The following LAMP5 variants were observed in gnomAD, a reference collection of about 807,000 sequenced individuals.
The protein encoded by LAMP5 is lysosome-associated membrane glycoprotein 5.
In LAMP5, 36 loss-of-function variants were observed where a neutral mutation model predicts 30.2. The ratio of observed to expected loss-of-function variants is 1.19; its 90% CI spans 0.91 to 1.57. The LOEUF is 1.57. LAMP5 is among the 40% of genes most tolerant of loss of function. The pLI, the probability that LAMP5 is intolerant of heterozygous loss-of-function variation, is 0.00. For missense variants in LAMP5, 377 were observed against 354.9 expected (o/e 1.06, Z -0.50); for synonymous variants, 149 against 134.6 (o/e 1.11, Z -0.74).
At chr20:9,515,649 A>C in intron 2 of LAMP5, 24 bp downstream of exon 2, 1 of 1,605,206 alleles carries the variant, frequency 6.2e-7, no homozygotes, top group East Asian at 2.2e-5. Flanking sequence ...CCCCCCCCTC[A>C]GCTTGCTCCT....
rs2045056186 is a variant in LAMP5, at chr20:9,518,228, G to A, written c.664G>A (p.Glu222Lys). Reference sequence around the variant, plus strand: ...TATCTCAGATTTTGTCTTCAGTGAAGGTAAGTTGTTGGGGGATGGAGGGGA... The same window carrying A: ...TATCTCAGATTTTGTCTTCAGTGAAAGTAAGTTGTTGGGGGATGGAGGGGA... ...DIISDFVFSE[E>K]HKCPVDEREQ... Residue 222 changes from glutamate (E) to lysine (K), a missense_variant and splice_region_variant, in exon 5 of 6, where the codon GAG (glutamate) becomes AAG (lysine). Glu to Lys is a moderately conservative substitution (Grantham distance 56). Transcript: ENST00000246070. The A allele has an allele frequency of 1.2e-6, 2 of 1,613,790 alleles. No individual in the cohort carries two copies. Among genetic ancestry groups the A allele is most frequent in the Admixed American group, 1.7e-5 (1 of 60,002 alleles).
At chr20:9,523,261 G>T (rs191410098) in intron 5 of LAMP5, among the ~76,000 whole-genome samples, 228 of 152,126 alleles carry the variant, frequency 1.5e-3, no homozygotes, top group African/African-American at 5.0e-3. Context: ...TCTCTATCTT[G>T]CCCTGCCAAA....
At chr20:9,518,010 T>TCTGCCAACAGGAGGGGC in intron 4 of LAMP5, 30 bp from the exon 5 acceptor site, 2 of 1,599,140 alleles carry the variant, frequency 1.3e-6, no homozygotes, top group South Asian at 1.1e-5. Context: ...CAATGAGGGT[T>TCTGCCAACAGGAGGGGC]CTAACTATTG....
In LAMP5 at chr20:9,516,341, A is replaced by T. The variant is rs765655602; in HGVS notation, c.455A>T (p.His152Leu). 6.8e-6 allele frequency: 11 copies of T among 1,613,934 alleles called. No individual in the cohort carries two copies. The African/African-American group carries it at 9.3e-5, about 14-fold the overall frequency. ...QFVYDSSEKT[H>L]FKDAVSAGKH... ...GTCTACGACTCCTCGGAGAAAACCC[A>T]CTTCAAAGACGCAGTCAGTGGTGAG... The change falls in exon 4 of 6, where the codon CAC becomes CTC. Residue 152 changes from histidine (H) to leucine (L), a missense_variant. His to Leu is a moderately conservative substitution (Grantham distance 99). Transcript: ENST00000246070.
At chr20:9,520,457 A>G (rs1384321132) in intron 5 of LAMP5, among the ~76,000 whole-genome samples, 5 of 152,110 alleles carry the variant, frequency 3.3e-5, no homozygotes, top group Non-Finnish European at 5.9e-5. Flanking sequence ...CTGGGCCTTT[A>G]TCCCCAGAAT....
Position 9,521,814 on chromosome 20 carries a change from T to C in LAMP5, c.664+3586T>C, listed in dbSNP as rs76538339. On this transcript the variant is annotated intron_variant, in intron 5 of 5. Transcript: ENST00000246070. ...TACCTTGAGTAAAAGGAAACTTTTA[T>C]GTATTATGTCAGAAAAAATATAATA... 1.0e-3 allele frequency among the ~76,000 whole-genome samples: 157 copies of C among 152,332 alleles called. 4 individuals carry two copies. In the East Asian group the frequency reaches 0.024, roughly 23 times the overall value.
intron 2 of LAMP5, 90 bp from the exon 3 acceptor site, chr20:9,515,910 G>A: frequency 3.6e-6 from 5 of 1,385,448 alleles, no homozygotes; most frequent in Middle Eastern, 2.5e-4. Flanking sequence ...GCGCCCAAGC[G>A]TGCAACCCAG....
chr20:9,528,319 T>TGC (rs1491039627), intron 5 of LAMP5, among the ~76,000 whole-genome samples: 17 of 137,374 alleles, frequency 1.2e-4, no homozygotes, highest in East Asian at 6.7e-4. Flanking sequence ...TGTGTGTGTG[T>TGC]GTGCGTGTGT....
At chr20:9,528,663 T>C (rs1205248501) in intron 5 of LAMP5, among the ~76,000 whole-genome samples, 1 of 152,074 alleles carries the variant, frequency 6.6e-6, no homozygotes, top group Admixed American at 6.5e-5. Flanking sequence ...AAATGTATGG[T>C]TTAATGCTTT....
intron 5 of LAMP5, among the ~76,000 whole-genome samples, chr20:9,527,987 A>C (rs539790939): frequency 6.6e-6 from 1 of 152,252 alleles, no homozygotes; most frequent in Non-Finnish European, 1.5e-5. Flanking sequence ...TAATTTACAT[A>C]TATTACATGC....
rs113063112 is a variant in LAMP5 at position 9,515,957 on chromosome 20, G to A, written c.238-43G>A. On this transcript the variant is annotated intron_variant, in intron 2 of 5. Transcript: ENST00000246070. ...GCCGCCCTTTACAGCCCCCGCCCCG[G>A]GGCCGGGCGAGCTGAGGGGGCGCGG... The A allele has an allele frequency of 4.6e-3, 6,712 of 1,462,328 alleles. 275 individuals carry two copies. In the African/African-American group the frequency reaches 0.084, roughly 18 times the overall value. 90.6% of individuals were successfully genotyped at this position (1,462,328 alleles called of 1,614,324 possible). A position where few individuals can be genotyped will look rare whatever the true frequency, so the allele number is the denominator to read the frequency against.
rs117108120 is a variant in LAMP5, at chr20:9,523,203, G to C, written c.664+4975G>C. On this transcript the variant is annotated intron_variant, in intron 5 of 5. Transcript: ENST00000246070. ...AAAATATATTTTGCTGATGTTATAG[G>C]AGTCCAGGGCCAGCACAGGGAACAT... Among the ~76,000 whole-genome samples the C allele has an allele frequency of 1.0e-3, 159 of 152,150 alleles. 1 individual carries two copies. The East Asian group carries it at 0.028, about 27-fold the overall frequency.
rs1188886160 is a variant in LAMP5, at chr20:9,530,481, T to C, written c.*661T>C. On this transcript the variant is annotated 3_prime_UTR_variant, in exon 6 of 6. Coordinates refer to ENST00000246070, the MANE Select transcript of LAMP5 (RefSeq NM_012261.4). ...GGGGGACCTGAAGAATCAATCTGTG[T>C]GAGTCTGTTTTTCAAAATGAAATAA... 6.6e-6 allele frequency: 1 copy of C among 152,636 alleles called. No individual in the cohort carries two copies. The highest frequency in any genetic ancestry group is 2.4e-5 in the African/African-American group (1 of 41,456). The allele number at this position is 152,636 out of a possible 1,614,324, so 9.5% of individuals were successfully genotyped here.
At chr20:9,523,939 A>G (rs1397023320) in intron 5 of LAMP5, among the ~76,000 whole-genome samples, 3 of 152,236 alleles carry the variant, frequency 2.0e-5, no homozygotes, top group South Asian at 4.1e-4. Flanking sequence ...AAAAATTTAT[A>G]TCTTTATTTT....
intron 3 of LAMP5, 47 bp downstream of exon 3, chr20:9,516,178 T>A: frequency 1.2e-6 from 2 of 1,602,056 alleles, no homozygotes; most frequent in Non-Finnish European, 1.7e-6. Flanking sequence ...TCCGCGTGGG[T>A]GTGGGAAGTG....
chr20:9,525,672 A>C (rs2045107323), intron 5 of LAMP5, among the ~76,000 whole-genome samples: 1 of 152,226 alleles, frequency 6.6e-6, no homozygotes, highest in African/African-American at 2.4e-5. Flanking sequence ...GAGAAAAGAG[A>C]AGACATGACT....
chr20:9,515,066 G>C (rs2045025681), intron 1 of LAMP5, 150 bp downstream of exon 1: 2 of 722,192 alleles, frequency 2.8e-6, no homozygotes, highest in Middle Eastern at 2.4e-4. Context: ...GGAGGAGGGA[G>C]GGCCTTCCTC....
chr20:9,516,309 G>A lies in LAMP5; in HGVS notation c.423G>A (p.Val141=). The change falls in exon 4 of 6, where the codon GTG becomes GTA. Residue 141 remains valine, a synonymous_variant. Coordinates refer to ENST00000246070, the MANE Select transcript of LAMP5 (RefSeq NM_012261.4). The stretch of plus-strand genomic sequence containing the variant: ...AGGCGACTTGGAGGCTGAGCAAAGT[G>A]CAGTTTGTCTACGACTCCTCGGAGA... ...GPEATWRLSK[V]QFVYDSSEKT... 6.2e-7 allele frequency: 1 copy of A among 1,614,188 alleles called. No homozygotes were observed. Among genetic ancestry groups the A allele is most frequent in the Non-Finnish European group, 8.5e-7 (1 of 1,180,040 alleles).
In LAMP5 at chr20:9,514,737, C is replaced by T; in HGVS notation, c.-116C>T. 1 of 892,106 alleles carries T rather than the reference C, an allele frequency of 1.1e-6. No individual in the cohort carries two copies. 55.3% of individuals were successfully genotyped at this position (892,106 alleles called of 1,614,324 possible). A position where few individuals can be genotyped will look rare whatever the true frequency, so the allele number is the denominator to read the frequency against. Reference sequence around the variant, plus strand: ...CAGAATACGCGCTCCCTCCCTCCCCCTTCTCTGTCCCCCGCCTCTCGCTCA... The same window carrying T: ...CAGAATACGCGCTCCCTCCCTCCCCTTTCTCTGTCCCCCGCCTCTCGCTCA... On this transcript the variant is annotated 5_prime_UTR_variant, in exon 1 of 6. Coordinates refer to ENST00000246070, the MANE Select transcript of LAMP5 (RefSeq NM_012261.4).
Sources: gnomAD v4.1 joint callset for allele counts (sites outside exome capture counted in the v4.1 genomes callset) on GRCh38, gnomAD v4.1.1 for gene constraint, MANE v1.5 for transcripts, NCBI Gene and HGNC (gene_info 2026-07-23, HGNC 2026-07-21) for gene names.